The following TDRD3 variants were observed in gnomAD, a reference collection of about 807,000 sequenced individuals.
The protein encoded by TDRD3 is tudor domain containing 3, also known as tudor domain-containing protein 3.
TDRD3 carries 45 observed loss-of-function variants against 86.7 expected under a neutral mutation model. The ratio of observed to expected loss-of-function variants is 0.52; its 90% CI spans 0.41 to 0.67. TDRD3 has a LOEUF of 0.67. TDRD3 is among the 30% of genes least tolerant of loss of function. TDRD3 has a pLI of 0.00. For synonymous variants in TDRD3, 298 were observed against 301.7 expected (o/e 0.99, Z 0.13); for missense variants, 814 against 889.0 (o/e 0.92, Z 1.07).
rs1244873211 is a variant in TDRD3, at chr13:60,444,736, A to G, written c.180A>G (p.Gly60=). The change falls in exon 3 of 14, where the codon GGA becomes GGG. Residue 60 remains glycine (G), a synonymous_variant. Transcript: ENST00000377881. ...TCCTCCCCAGTGACATCAATAGTGG[A>G]AAGGTAGAAAAGGTAAAGAAAATCA... The part of the protein sequence containing the change: ...KKFLPSDINS[G]KVEKLEGPCV... 1 of 1,478,542 alleles carries G rather than the reference A, an allele frequency of 6.8e-7. No homozygotes were observed. The highest frequency in any genetic ancestry group is 9.1e-7 in the Non-Finnish European group (1 of 1,100,424). 91.6% of individuals were successfully genotyped at this position (1,478,542 alleles called of 1,614,324 possible). A position where few individuals can be genotyped will look rare whatever the true frequency, so the allele number is the denominator to read the frequency against.
chr13:60,473,111 C>T (rs559916233), intron 5 of TDRD3, among the ~76,000 whole-genome samples: 54 of 152,286 alleles, frequency 3.5e-4, no homozygotes, highest in African/African-American at 1.2e-3. Flanking sequence ...AGTACAATAA[C>T]ATGGCTTTGG....
intron 1 of TDRD3, among the ~76,000 whole-genome samples, chr13:60,408,137 T>C (rs1477880353): frequency 6.6e-6 from 1 of 152,126 alleles, no homozygotes; most frequent in Non-Finnish European, 1.5e-5. Flanking sequence ...TATCAGGGGT[T>C]TCCACTTTTG....
In TDRD3 at chr13:60,439,706, C is replaced by G; in HGVS notation, c.60C>G (p.Gly20=). ...SQAGWYLSDE[G]IEACTSSPDK... The stretch of plus-strand genomic sequence containing the variant: ...TTAACAGGTATCTTTCAGATGAAGG[C>G]ATTGAAGCTTGCACAAGCTCTCCAG... The change falls in exon 2 of 14, where the codon GGC becomes GGG. Residue 20 remains glycine, a synonymous_variant. Transcript: ENST00000377881. 6.5e-7 allele frequency: 1 copy of G among 1,542,602 alleles called. No homozygotes were observed. Among genetic ancestry groups the G allele is most frequent in the Non-Finnish European group, 8.7e-7 (1 of 1,144,062 alleles).
At chr13:60,440,609 A>C (rs1004507936) in intron 2 of TDRD3, among the ~76,000 whole-genome samples, 1 of 152,056 alleles carries the variant, frequency 6.6e-6, no homozygotes, top group African/African-American at 2.4e-5. Flanking sequence ...TGAACCCAGG[A>C]GGTGGAGGTT....
intron 1 of TDRD3, among the ~76,000 whole-genome samples, chr13:60,403,884 T>G (rs556343278): frequency 6.6e-6 from 1 of 152,224 alleles, no homozygotes; most frequent in Admixed American, 6.5e-5. Context: ...GTAAGGCATA[T>G]ACAGAGAAAT....
chr13:60,502,446 C>T (rs887596862), intron 8 of TDRD3, among the ~76,000 whole-genome samples: 1 of 152,232 alleles, frequency 6.6e-6, no homozygotes, highest in South Asian at 2.1e-4. Flanking sequence ...TATGATAGGA[C>T]TGTGTTTTTT....
intron 12 of TDRD3, among the ~76,000 whole-genome samples, chr13:60,558,265 C>T (rs985168994): frequency 6.6e-6 from 1 of 152,254 alleles, no homozygotes. Context: ...AATCATTGCT[C>T]TCAGAGAAAG....
intron 13 of TDRD3, among the ~76,000 whole-genome samples, chr13:60,569,993 A>G (rs1958548420): frequency 6.6e-6 from 1 of 152,232 alleles, no homozygotes; most frequent in South Asian, 2.1e-4. Flanking sequence ...ACAGTCTAGG[A>G]CATTGGTCTG....
chr13:60,516,320 T>C (rs1957168511), intron 10 of TDRD3, among the ~76,000 whole-genome samples: 1 of 152,216 alleles, frequency 6.6e-6, no homozygotes, highest in South Asian at 2.1e-4. Flanking sequence ...AAAAAATATA[T>C]ATTCTGATTT....
chr13:60,519,072 T>G (rs1222217974), intron 10 of TDRD3, among the ~76,000 whole-genome samples: 1 of 152,152 alleles, frequency 6.6e-6, no homozygotes, highest in Non-Finnish European at 1.5e-5. Flanking sequence ...TATTATTACT[T>G]TTTTTGGTAC....
intron 1 of TDRD3, among the ~76,000 whole-genome samples, chr13:60,438,560 T>A (rs1404708518): frequency 1.3e-5 from 2 of 152,164 alleles, no homozygotes; most frequent in South Asian, 2.1e-4. Context: ...GCTCATTGGC[T>A]TATCTACTTT....
At position 60,467,284 on chromosome 13, in the gene TDRD3, G is replaced by A. The variant is rs766385709; in HGVS notation, c.400G>A (p.Asp134Asn). 1.3e-5 allele frequency: 21 copies of A among 1,613,664 alleles called. No homozygotes were observed. Among genetic ancestry groups the A allele is most frequent in the African/African-American group, 2.7e-5 (2 of 74,838 alleles). ...GTKVKLSGIV[D>N]IKNGFLLLND... ...TAAAGTTAAGCTCTCAGGCATTGTTGACATAAAAAATGGATTCCTGCTCTT... is the reference window on the plus strand; with the variant it reads ...TAAAGTTAAGCTCTCAGGCATTGTTAACATAAAAAATGGATTCCTGCTCTT... Residue 134 changes from aspartate (D) to asparagine (N), a missense_variant, in exon 5 of 14, where the codon GAC becomes AAC. Coordinates refer to ENST00000377881, the MANE Select transcript of TDRD3 (RefSeq NM_001146070.2).
At chr13:60,525,790 A>C (rs562200190) in intron 10 of TDRD3, among the ~76,000 whole-genome samples, 522 of 152,296 alleles carry the variant, frequency 3.4e-3, no homozygotes, top group Non-Finnish European at 5.9e-3. Context: ...AGAGTGCTTG[A>C]GTACATAAAT....
At position 60,489,690 on chromosome 13, in the gene TDRD3, C is replaced by T. The variant is rs530669152; in HGVS notation, c.717+3742C>T. On this transcript the variant is annotated intron_variant, in intron 7 of 13. Coordinates refer to ENST00000377881, the MANE Select transcript of TDRD3 (RefSeq NM_001146070.2). Reference sequence around the variant, plus strand: ...TCTTGCTCAAAGCTCTCAGTAAACACGACTATTGCTATTCTTTACTTTTTC... The same window carrying T: ...TCTTGCTCAAAGCTCTCAGTAAACATGACTATTGCTATTCTTTACTTTTTC... Among the ~76,000 whole-genome samples the T allele has an allele frequency of 1.2e-4, 19 of 152,196 alleles. No homozygotes were observed. In the East Asian group the frequency reaches 2.9e-3, roughly 23 times the overall value.
intron 8 of TDRD3, among the ~76,000 whole-genome samples, chr13:60,496,023 T>A (rs1288244792): frequency 1.3e-5 from 2 of 151,836 alleles, no homozygotes; most frequent in Non-Finnish European, 2.9e-5. Flanking sequence ...AATCAGTGAC[T>A]TGGGAAAGGC....
Position 60,470,493 on chromosome 13 carries a change from G to T in TDRD3, c.495+3114G>T, listed in dbSNP as rs116488932. Among the ~76,000 whole-genome samples, 1,055 of 151,484 alleles carry T rather than the reference G, an allele frequency of 7.0e-3. 8 individuals carry two copies. Among genetic ancestry groups the T allele is most frequent in the African/African-American group, 0.021 (859 of 41,292 alleles). On this transcript the variant is annotated intron_variant, in intron 5 of 13. Transcript: ENST00000377881. ...TCATTTCCACCAGGATATTACAGGGGTTCCAGTTTTTTACATCCTCACCAA... is the reference window on the plus strand; with the variant it reads ...TCATTTCCACCAGGATATTACAGGGTTTCCAGTTTTTTACATCCTCACCAA...
Position 60,573,752 on chromosome 13 carries a change from GA to G in TDRD3, c.*152del, listed in dbSNP as rs1386505416. 1.7e-5 allele frequency: 12 copies of G among 702,260 alleles called. No individual in the cohort carries two copies. In the African/African-American group the frequency reaches 1.9e-4, roughly 11 times the overall value. 43.5% of individuals were successfully genotyped at this position (702,260 alleles called of 1,614,324 possible). On this transcript the variant is annotated 3_prime_UTR_variant, in exon 14 of 14. Coordinates refer to ENST00000377881, the MANE Select transcript of TDRD3 (RefSeq NM_001146070.2). ...GAAAGAAAAAACAGATTTTAGGGTGGAAAAAACAGTCAACTCACACAAAGAA... is the reference window on the plus strand; with the variant it reads ...GAAAGAAAAAACAGATTTTAGGGTGGAAAAACAGTCAACTCACACAAAGAA...
intron 1 of TDRD3, among the ~76,000 whole-genome samples, chr13:60,420,103 A>G (rs183169747): frequency 6.6e-6 from 1 of 152,224 alleles, no homozygotes; most frequent in African/African-American, 2.4e-5. Flanking sequence ...GATATCATTT[A>G]CATCAAGTTA....
intron 1 of TDRD3, among the ~76,000 whole-genome samples, chr13:60,419,981 AG>A (rs1279717959): frequency 6.6e-6 from 1 of 152,132 alleles, no homozygotes; most frequent in East Asian, 1.9e-4. Flanking sequence ...AGAGATGAAA[AG>A]GTATTTTCAT....
Sources: gnomAD v4.1 joint callset for allele counts (sites outside exome capture counted in the v4.1 genomes callset) on GRCh38, gnomAD v4.1.1 for gene constraint, MANE v1.5 for transcripts, NCBI Gene and HGNC (gene_info 2026-07-23, HGNC 2026-07-21) for gene names.